The following MAGI1 variants were observed in gnomAD, a reference collection of about 807,000 sequenced individuals.
The protein encoded by MAGI1 is membrane-associated guanylate kinase, WW and PDZ domain-containing protein 1.
Under a neutral mutation model 139.9 loss-of-function variants are expected in MAGI1, and 58 were observed. The ratio of observed to expected loss-of-function variants is 0.41; its 90% CI spans 0.34 to 0.52. The LOEUF (loss-of-function observed/expected upper bound fraction) is 0.52. Among genes scored for constraint, MAGI1 ranks in the 20% least tolerant of loss-of-function variants. The probability of loss-of-function intolerance (pLI) is 0.12; values close to 1 mark genes in which losing one functional copy is unlikely to be tolerated. For missense variants in MAGI1, 1,874 were observed against 1,901.6 expected, an observed-to-expected ratio of 0.99 and a Z score of 0.27; for synonymous variants, 812 against 737.9, an observed-to-expected ratio of 1.10 and a Z score of -1.63.
At position 65,697,227 on chromosome 3, in the gene MAGI1, A is replaced by T. The variant is rs535767230; in HGVS notation, c.314-75139T>A. The stretch of plus-strand genomic sequence containing the variant: ...TAACAGGAGCTGAAATTGTGGCAAT[A>T]ATCAATAGTTTATCAACCAAAAAGA... On this transcript the variant is annotated intron_variant, in intron 1 of 22. Transcript: ENST00000402939. Among the ~76,000 whole-genome samples, 1,323 of 152,200 alleles carry T rather than the reference A, an allele frequency of 8.7e-3. 20 individuals are homozygous for T. Among genetic ancestry groups the T allele is most frequent in the African/African-American group, 0.03 (1,261 of 41,502 alleles).
chr3:65,369,663 C>T (rs2106791786), intron 18 of MAGI1, among the ~76,000 whole-genome samples: 1 of 152,252 alleles, frequency 6.6e-6, no homozygotes, highest in South Asian at 2.1e-4. Flanking sequence ...CACGCGCCAC[C>T]ATGCCTGGCT....
chr3:65,752,392 TAAATA>T (rs2036226014), intron 1 of MAGI1, among the ~76,000 whole-genome samples: 1 of 152,210 alleles, frequency 6.6e-6, no homozygotes, highest in Non-Finnish European at 1.5e-5. Flanking sequence ...GTGTGAGGAA[TAAATA>T]AAATAATGCA....
chr3:66,025,730 G>A (rs894481338), intron 1 of MAGI1, among the ~76,000 whole-genome samples: 1 of 152,022 alleles, frequency 6.6e-6, no homozygotes, highest in East Asian at 1.9e-4. Flanking sequence ...GTATGTGTAC[G>A]TCTGGATAAA....
At chr3:65,441,302 G>A (rs994817365) in intron 8 of MAGI1, among the ~76,000 whole-genome samples, 3 of 152,042 alleles carry the variant, frequency 2.0e-5, no homozygotes, top group Non-Finnish European at 4.4e-5. Context: ...TAGAAATTTA[G>A]GAGCATAGTA....
intron 2 of MAGI1, among the ~76,000 whole-genome samples, chr3:65,571,766 G>A (rs186916724): frequency 3.3e-5 from 5 of 152,010 alleles, no homozygotes; most frequent in African/African-American, 1.2e-4. Context: ...AGATGTCACT[G>A]GCCTCTGTGT....
chr3:65,801,826 G>A (rs1454243952), intron 1 of MAGI1, among the ~76,000 whole-genome samples: 2 of 152,006 alleles, frequency 1.3e-5, no homozygotes, highest in Non-Finnish European at 2.9e-5. Context: ...CCCAAACCCC[G>A]GGCCACAGAC....
intron 1 of MAGI1, among the ~76,000 whole-genome samples, chr3:65,786,991 T>C (rs984628090): frequency 6.6e-6 from 1 of 152,124 alleles, no homozygotes; most frequent in Non-Finnish European, 1.5e-5. Context: ...TGTTTTTCCA[T>C]CAATGCACCT....
At chr3:65,707,640 T>C (rs572458205) in intron 1 of MAGI1, among the ~76,000 whole-genome samples, 46 of 144,462 alleles carry the variant, frequency 3.2e-4, no homozygotes, top group African/African-American at 7.8e-4. Flanking sequence ...CAGTGAACCA[T>C]GATGGGGTCA....
At chr3:65,448,334 T>C (rs2107470434) in intron 6 of MAGI1, 3 of 544,474 alleles carry the variant, frequency 5.5e-6, no homozygotes, top group East Asian at 6.3e-5. Context: ...AGATGACAAA[T>C]ACCTTTGCGG....
At chr3:65,943,074 G>T (rs368718392) in intron 1 of MAGI1, among the ~76,000 whole-genome samples, 1 of 152,126 alleles carries the variant, frequency 6.6e-6, no homozygotes, top group Non-Finnish European at 1.5e-5. Context: ...ATAGCAAGTG[G>T]TATATAAGTG....
At chr3:65,395,656 A>AAAAAAAAAAAAAAAAAC (rs1944332225) in intron 13 of MAGI1, among the ~76,000 whole-genome samples, 1 of 145,872 alleles carries the variant, frequency 6.9e-6, no homozygotes, top group Non-Finnish European at 1.5e-5. Context: ...AAAAAAAAAA[A>AAAAAAAAAAAAAAAAAC]AGAGGGTGTG....
At chr3:65,875,589 G>A (rs543110017) in intron 1 of MAGI1, among the ~76,000 whole-genome samples, 52 of 152,190 alleles carry the variant, frequency 3.4e-4, no homozygotes, top group Admixed American at 1.3e-3. Context: ...TCTCCATATC[G>A]ATCAGCCCCA....
At position 65,825,813 on chromosome 3, in the gene MAGI1, C is replaced by T. The variant is rs1037463980; in HGVS notation, c.314-203725G>A. ...GACCAGCCTGGCCAGTATGGTGAAA[C>T]CCCGTCTCCACTAAAAATATAAAAA... On this transcript the variant is annotated intron_variant, in intron 1 of 22. Transcript: ENST00000402939. 5.9e-5 allele frequency among the ~76,000 whole-genome samples: 9 copies of T among 152,160 alleles called. No homozygotes were observed. The South Asian group carries it at 1.9e-3, about 32-fold the overall frequency.
At chr3:65,624,069 T>C (rs1017281393) in intron 1 of MAGI1, among the ~76,000 whole-genome samples, 1 of 152,052 alleles carries the variant, frequency 6.6e-6, no homozygotes, top group Non-Finnish European at 1.5e-5. Flanking sequence ...AAAATCACAA[T>C]GAGATCCCAC....
In MAGI1 at chr3:65,858,127, A is replaced by G. The variant is rs73138913; in HGVS notation, c.313+179869T>C. Among the ~76,000 whole-genome samples the G allele has an allele frequency of 4.9e-4, 75 of 151,972 alleles. 1 individual carries two copies. Among genetic ancestry groups the G allele is most frequent in the South Asian group, 1.2e-3 (6 of 4,808 alleles). On this transcript the variant is annotated intron_variant, in intron 1 of 22. Transcript: ENST00000402939. The stretch of plus-strand genomic sequence containing the variant: ...TTGTCTCAAAAACAAACAAACAAAC[A>G]AAAATAATATTAATTCTAAAATGAT...
intron 1 of MAGI1, among the ~76,000 whole-genome samples, chr3:66,000,689 C>A (rs1560098724): frequency 6.6e-6 from 1 of 152,246 alleles, no homozygotes; most frequent in East Asian, 1.9e-4. Flanking sequence ...CATGGTGGGG[C>A]AGGACTCAGC....
intron 2 of MAGI1, among the ~76,000 whole-genome samples, chr3:65,575,804 C>CA (rs1032941626): frequency 4.6e-5 from 7 of 151,698 alleles, no homozygotes; most frequent in East Asian, 3.9e-4. Context: ...CCTGATGCCA[C>CA]AAAAAAAATA....
intron 1 of MAGI1, among the ~76,000 whole-genome samples, chr3:65,673,661 C>G (rs4688243): frequency 0.29 from 44,746 of 152,070 alleles, 8,030 homozygotes; most frequent in East Asian, 0.58. Flanking sequence ...GCTTCCAGCT[C>G]TGACATTCTC....
intron 1 of MAGI1, among the ~76,000 whole-genome samples, chr3:65,807,360 C>T (rs1319797926): frequency 6.6e-6 from 1 of 152,152 alleles, no homozygotes; most frequent in African/African-American, 2.4e-5. Context: ...CAAAAAGGGA[C>T]CGGCTTTCTC....
Sources: gnomAD v4.1 joint callset for allele counts (sites outside exome capture counted in the v4.1 genomes callset) on GRCh38, gnomAD v4.1.1 for gene constraint, MANE v1.5 for transcripts, NCBI Gene and HGNC (gene_info 2026-07-23, HGNC 2026-07-21) for gene names.